Variants in IPO11 observed in about 807,000 individuals in gnomAD.
IPO11 encodes importin-11.
IPO11 carries 66 observed loss-of-function variants against 143.2 expected under a neutral mutation model. The ratio of observed to expected loss-of-function variants is 0.46; its 90% CI spans 0.38 to 0.57. The LOEUF is 0.57. Among genes scored for constraint, IPO11 ranks in the 20% least tolerant of loss-of-function variants. The pLI is 0.00. For missense variants in IPO11, 1,026 were observed against 1,141.0 expected, an observed-to-expected ratio of 0.90 and a Z score of 1.45; for synonymous variants, 385 against 377.8, an observed-to-expected ratio of 1.02 and a Z score of -0.22.
At chr5:62,500,441 T>C (rs1317929039) in intron 16 of IPO11, among the ~76,000 whole-genome samples, 2 of 152,110 alleles carry the variant, frequency 1.3e-5, no homozygotes, top group African/African-American at 2.4e-5. Flanking sequence ...GCCAGTAACG[T>C]AGTTGCTTAT....
Position 62,627,478 on chromosome 5 carries a change from C to T in IPO11, c.*160C>T, listed in dbSNP as rs1580407835. The T allele has an allele frequency of 3.3e-6, 2 of 600,360 alleles. No homozygotes were observed. The highest frequency in any genetic ancestry group is 5.4e-6 in the Non-Finnish European group (2 of 371,434). The allele number at this position is 600,360 out of a possible 1,614,324, so 37.2% of individuals were successfully genotyped here. ...AAAATGTAAAGGATAAATGTAAATCCTGCATAACTAAAATCACAAACCTAT... is the reference window on the plus strand; with the variant it reads ...AAAATGTAAAGGATAAATGTAAATCTTGCATAACTAAAATCACAAACCTAT... On this transcript the variant is annotated 3_prime_UTR_variant, in exon 30 of 30. Coordinates refer to ENST00000325324, the MANE Select transcript of IPO11 (RefSeq NM_016338.5).
At chr5:62,521,819 T>C (rs1742212373) in intron 20 of IPO11, among the ~76,000 whole-genome samples, 1 of 152,104 alleles carries the variant, frequency 6.6e-6, no homozygotes, top group South Asian at 2.1e-4. Context: ...GAGTTTTTCT[T>C]TTCTGGTGAC....
At chr5:62,568,063 T>C (rs1372684268) in intron 27 of IPO11, among the ~76,000 whole-genome samples, 2 of 151,418 alleles carry the variant, frequency 1.3e-5, no homozygotes, top group Admixed American at 1.3e-4. Context: ...CCTCCTGGGG[T>C]CAAGCAATCC....
chr5:62,553,168 T>A (rs1182407836), intron 26 of IPO11, among the ~76,000 whole-genome samples: 1 of 152,158 alleles, frequency 6.6e-6, no homozygotes, highest in African/African-American at 2.4e-5. Context: ...TTCTTTGAGG[T>A]CATCTTTTTT....
chr5:62,475,848 ATCT>A (rs1415104906), intron 8 of IPO11, among the ~76,000 whole-genome samples: 2 of 152,168 alleles, frequency 1.3e-5, no homozygotes, highest in East Asian at 1.9e-4. Flanking sequence ...TCTGTTTGTT[ATCT>A]TCTTCTTCCA....
In IPO11 at chr5:62,437,415, C is replaced by T. The variant is rs752337021; in HGVS notation, c.136C>T (p.Leu46=). ...ETQPGFYSVL[L]NIFTNHTLDI... ...ACAGCCAGGTTTCTATTCAGTGTTG[C>T]TGGTAAGTTGTTCTAAAATTGTTTG... Residue 46 remains leucine (L), a splice_region_variant and synonymous_variant, in exon 2 of 30, where the codon CTG becomes TTG. Coordinates refer to ENST00000325324, the MANE Select transcript of IPO11 (RefSeq NM_016338.5). 3 of 1,598,812 alleles carry T rather than the reference C, an allele frequency of 1.9e-6. No individual in the cohort carries two copies. The highest frequency in any genetic ancestry group is 1.8e-5 in the Admixed American group (1 of 56,320).
At chr5:62,599,695 G>C (rs1745428342) in intron 28 of IPO11, among the ~76,000 whole-genome samples, 1 of 152,184 alleles carries the variant, frequency 6.6e-6, no homozygotes. Context: ...CTTGAGTTTA[G>C]AATGGAGGAG....
chr5:62,414,634 T>C (rs1256212804), intron 1 of IPO11, among the ~76,000 whole-genome samples: 3 of 152,220 alleles, frequency 2.0e-5, no homozygotes. Flanking sequence ...CAGTGTTCTT[T>C]ACCCTTGCTA....
At chr5:62,435,202 A>ATATGTATG (rs1235339969) in intron 1 of IPO11, among the ~76,000 whole-genome samples, 13 of 107,014 alleles carry the variant, frequency 1.2e-4, no homozygotes, top group African/African-American at 4.3e-4. Context: ...ATATATATGT[A>ATATGTATG]TATATATGTG....
Position 62,470,264 on chromosome 5 carries a change from A to G in IPO11, c.664A>G (p.Thr222Ala). 6.2e-7 allele frequency: 1 copy of G among 1,613,876 alleles called. No homozygotes were observed. Among genetic ancestry groups the G allele is most frequent in the Non-Finnish European group, 8.5e-7 (1 of 1,179,846 alleles). ...TTGCTTTTCAGTGCTGCGTAAGTTAACTGTTAATGGATTTGTGGAACCTCA... is the reference window on the plus strand; with the variant it reads ...TTGCTTTTCAGTGCTGCGTAAGTTAGCTGTTAATGGATTTGTGGAACCTCA... ...LLSLKVLRKL[T>A]VNGFVEPHKN... Residue 222 changes from threonine (T) to alanine (A), a missense_variant, in exon 7 of 30, where the codon ACT becomes GCT. This residue lies in a region of IPO11 where 429 missense variants were observed against 456.3 expected (regional missense o/e 0.94). Transcript: ENST00000325324.
chr5:62,459,775 T>C (rs1016750941), intron 5 of IPO11, among the ~76,000 whole-genome samples: 1 of 152,168 alleles, frequency 6.6e-6, no homozygotes, highest in Non-Finnish European at 1.5e-5. Context: ...GGTCACGAAC[T>C]CCTGAGCTTA....
At chr5:62,416,182 C>CTTTTT (rs869236693) in intron 1 of IPO11, among the ~76,000 whole-genome samples, 21 of 123,468 alleles carry the variant, frequency 1.7e-4, no homozygotes, top group Non-Finnish European at 2.3e-4. Context: ...TTTTTCTTTT[C>CTTTTT]TTTTTTTTTT....
chr5:62,502,909 G>A lies in IPO11; in HGVS notation c.1591-1758G>A, dbSNP rs568789096. On this transcript the variant is annotated intron_variant, in intron 16 of 29. Transcript: ENST00000325324. The stretch of plus-strand genomic sequence containing the variant: ...GCACAATCAGCTTACTGCAACCCTC[G>A]CCTCCCAGGTTCAAGCGATCCTGGT... 7.9e-5 allele frequency among the ~76,000 whole-genome samples: 12 copies of A among 151,792 alleles called. No homozygotes were observed. In the South Asian group the frequency reaches 1.0e-3, roughly 13 times the overall value.
intron 26 of IPO11, among the ~76,000 whole-genome samples, chr5:62,554,060 G>C (rs1284172816): frequency 2.0e-5 from 3 of 152,028 alleles, no homozygotes; most frequent in African/African-American, 7.2e-5. Context: ...TGTACCTGTT[G>C]GCCATTCGTA....
At chr5:62,500,647 G>A (rs920039285) in intron 16 of IPO11, among the ~76,000 whole-genome samples, 1 of 152,130 alleles carries the variant, frequency 6.6e-6, no homozygotes, top group South Asian at 2.1e-4. Context: ...ACAAGTGCAT[G>A]TTACCAGGCC....
chr5:62,624,244 G>A (rs937045791), intron 29 of IPO11, among the ~76,000 whole-genome samples: 1 of 151,952 alleles, frequency 6.6e-6, no homozygotes, highest in Admixed American at 6.6e-5. Flanking sequence ...ATGTTGGTCA[G>A]GCTGGTCTCA....
intron 13 of IPO11, among the ~76,000 whole-genome samples, chr5:62,488,080 T>C (rs1009711320): frequency 1.3e-5 from 2 of 152,152 alleles, no homozygotes; most frequent in African/African-American, 4.8e-5. Context: ...CTGTAGTAAA[T>C]ACAATAGAAG....
At chr5:62,477,803 CTCTT>C (rs1035349708) in intron 9 of IPO11, among the ~76,000 whole-genome samples, 41 of 152,294 alleles carry the variant, frequency 2.7e-4, no homozygotes, top group African/African-American at 7.2e-4. Flanking sequence ...GTTCTTTCAA[CTCTT>C]TCTTAAGGTA....
At chr5:62,611,169 C>G (rs922748187) in intron 29 of IPO11, among the ~76,000 whole-genome samples, 2 of 152,104 alleles carry the variant, frequency 1.3e-5, no homozygotes, top group Non-Finnish European at 2.9e-5. Context: ...GGCCCACAAG[C>G]TCAATGTTAA....
Sources: gnomAD v4.1 joint callset for allele counts (sites outside exome capture counted in the v4.1 genomes callset) on GRCh38, gnomAD v4.1.1 for gene constraint, gnomAD v4.1.1 regional missense constraint, MANE v1.5 for transcripts, NCBI Gene and HGNC (gene_info 2026-07-23, HGNC 2026-07-21) for gene names.